The following CNTNAP3B variants were observed in gnomAD, a reference collection of about 807,000 sequenced individuals.
The protein encoded by CNTNAP3B is contactin associated protein family member 3B.
A neutral mutation model predicts 108.9 loss-of-function variants in CNTNAP3B; 25 were observed. The observed-to-expected ratio is 0.23, with a 90% CI of 0.17 to 0.32. CNTNAP3B has a LOEUF of 0.32. CNTNAP3B is among the 10% of genes least tolerant of loss of function. CNTNAP3B has a pLI of 1.00. For missense variants in CNTNAP3B, 252 were observed against 1,210.4 expected, an observed-to-expected ratio of 0.21 and a Z score of 11.75; for synonymous variants, 103 against 473.4, an observed-to-expected ratio of 0.22 and a Z score of 10.16.
intron 14 of CNTNAP3B, among the ~76,000 whole-genome samples, chr9:41,931,445 TCAA>T (rs1484503067): frequency 2.0e-5 from 3 of 152,404 alleles, no homozygotes; most frequent in Admixed American, 6.5e-5. Flanking sequence ...TACCCATTAA[TCAA>T]CTTCTTTTAT....
intron 3 of CNTNAP3B, among the ~76,000 whole-genome samples, chr9:42,072,577 CA>C (rs1435109522): frequency 1.1e-5 from 1 of 95,130 alleles, no homozygotes; most frequent in Non-Finnish European, 2.0e-5. Context: ...AGAAAATATT[CA>C]TGTATTCCTG....
intron 3 of CNTNAP3B, among the ~76,000 whole-genome samples, chr9:42,041,507 T>C (rs1826753094): frequency 6.8e-6 from 1 of 146,464 alleles, no homozygotes; most frequent in South Asian, 2.2e-4. Context: ...TCACTGGCCA[T>C]CAGAGAAATG....
At chr9:42,026,799 A>G (rs1204643764) in intron 3 of CNTNAP3B, among the ~76,000 whole-genome samples, 2 of 136,992 alleles carry the variant, frequency 1.5e-5, no homozygotes, top group Middle Eastern at 3.6e-3. Context: ...TTTGCTCAAT[A>G]ATAACTCCAA....
At chr9:42,035,910 C>A (rs1271546805) in intron 3 of CNTNAP3B, among the ~76,000 whole-genome samples, 1 of 141,194 alleles carries the variant, frequency 7.1e-6, no homozygotes, top group Non-Finnish European at 1.5e-5. Flanking sequence ...GAGTTCGAGC[C>A]CAGCCTGGCC....
At chr9:41,930,462 G>C (rs1163169851) in intron 14 of CNTNAP3B, among the ~76,000 whole-genome samples, 1 of 152,286 alleles carries the variant, frequency 6.6e-6, no homozygotes, top group Admixed American at 6.5e-5. Flanking sequence ...AGGATCCCTT[G>C]AGCCTGGGAG....
intron 10 of CNTNAP3B, among the ~76,000 whole-genome samples, chr9:41,967,379 T>C (rs1384950677): frequency 2.0e-5 from 3 of 151,764 alleles, no homozygotes; most frequent in Non-Finnish European, 4.4e-5. Context: ...TGCTGCCATA[T>C]AAGACGTGTC....
intron 13 of CNTNAP3B, among the ~76,000 whole-genome samples, chr9:41,944,423 T>G (rs1824461384): frequency 6.6e-6 from 1 of 151,998 alleles, no homozygotes; most frequent in African/African-American, 2.4e-5. Context: ...GGATTGGAAA[T>G]GCTGTGTTAT....
At chr9:42,120,174 C>G (rs1264862334) in intron 1 of CNTNAP3B, among the ~76,000 whole-genome samples, 1 of 147,278 alleles carries the variant, frequency 6.8e-6, no homozygotes, top group East Asian at 2.0e-4. Context: ...AGGATATGAA[C>G]AGACACTTCT....
intron 1 of CNTNAP3B, among the ~76,000 whole-genome samples, chr9:42,125,710 A>G (rs1158242278): frequency 8.0e-6 from 1 of 124,478 alleles, no homozygotes; most frequent in Non-Finnish European, 1.6e-5. Flanking sequence ...TCACTCCGTC[A>G]CCCAGGCTGG....
rs569541516 is a variant in CNTNAP3B at position 41,913,609 on chromosome 9, C to G, written c.2996-4828G>C. ...TCACAATGTTGTGCAATTATCACCT[C>G]TTTTGATATCCAAAATTTTTCATCT... On this transcript the variant is annotated intron_variant, in intron 18 of 23. Coordinates refer to ENST00000377561, the MANE Select transcript of CNTNAP3B (RefSeq NM_001201380.3). 3.8e-4 allele frequency among the ~76,000 whole-genome samples: 54 copies of G among 140,912 alleles called. 6 individuals are homozygous for G. Among genetic ancestry groups the G allele is most frequent in the African/African-American group, 1.5e-3 (53 of 35,678 alleles). 92.4% of individuals were successfully genotyped at this position (140,912 alleles called of 152,430 possible).
intron 9 of CNTNAP3B, among the ~76,000 whole-genome samples, chr9:41,977,306 A>G (rs1286907249): frequency 6.6e-6 from 1 of 151,420 alleles, no homozygotes; most frequent in Non-Finnish European, 1.5e-5. Context: ...ACTTAAAAAA[A>G]TGAATAGTAC....
In CNTNAP3B at chr9:41,939,524, G is replaced by C. The variant is rs1462696664; in HGVS notation, c.2081-1124C>G. On this transcript the variant is annotated intron_variant, in intron 13 of 23. Coordinates refer to ENST00000377561, the MANE Select transcript of CNTNAP3B (RefSeq NM_001201380.3). ...AAAACAAAAAAAACAACGAAAAAAA[G>C]GCAATCTGGGAAAATTTAAAGAGGG... Among the ~76,000 whole-genome samples, 4 of 152,372 alleles carry C rather than the reference G, an allele frequency of 2.6e-5. No homozygotes were observed. The East Asian group carries it at 7.7e-4, about 29-fold the overall frequency.
intron 14 of CNTNAP3B, among the ~76,000 whole-genome samples, chr9:41,932,257 T>C (rs1403516755): frequency 1.3e-5 from 2 of 152,088 alleles, no homozygotes; most frequent in East Asian, 1.9e-4. Flanking sequence ...CCATAATCTC[T>C]TGGAGCAGTA....
At chr9:42,108,160 T>C (rs1828119818) in intron 1 of CNTNAP3B, among the ~76,000 whole-genome samples, 1 of 137,568 alleles carries the variant, frequency 7.3e-6, no homozygotes, top group South Asian at 2.3e-4. Flanking sequence ...CCCACAAGTG[T>C]TACAGGGGCT....
At chr9:42,096,207 G>A (rs1827896919) in intron 2 of CNTNAP3B, among the ~76,000 whole-genome samples, 1 of 139,182 alleles carries the variant, frequency 7.2e-6, no homozygotes. Flanking sequence ...ACACTTGAGA[G>A]TGCCCACTCA....
intron 13 of CNTNAP3B, among the ~76,000 whole-genome samples, chr9:41,945,367 A>T (rs919515144): frequency 1.3e-5 from 2 of 152,310 alleles, no homozygotes; most frequent in African/African-American, 2.4e-5. Context: ...GAACCAACCC[A>T]AATGTCCATC....
intron 13 of CNTNAP3B, among the ~76,000 whole-genome samples, chr9:41,938,752 A>C (rs1230243795): frequency 6.6e-5 from 10 of 152,294 alleles, no homozygotes; most frequent in Non-Finnish European, 1.5e-4. Flanking sequence ...AATCTATTTG[A>C]AATTATGAAA....
In CNTNAP3B at chr9:42,110,363, G is replaced by A. The variant is rs1368909253; in HGVS notation, c.86-5624C>T. The stretch of plus-strand genomic sequence containing the variant: ...TGTGAAAGGAGCTAAGCACTGTGTC[G>A]GCGGAACCTAAGGATGGAAGGAGAG... On this transcript the variant is annotated intron_variant, in intron 1 of 23. Transcript: ENST00000377561. Among the ~76,000 whole-genome samples, 5 of 136,706 alleles carry A rather than the reference G, an allele frequency of 3.7e-5. 1 individual carries two copies. The highest frequency in any genetic ancestry group is 2.4e-4 in the South Asian group (1 of 4,204). 89.7% of individuals were successfully genotyped at this position (136,706 alleles called of 152,430 possible). A position where few individuals can be genotyped will look rare whatever the true frequency, so the allele number is the denominator to read the frequency against.
At chr9:41,943,982 A>T (rs1224310836) in intron 13 of CNTNAP3B, among the ~76,000 whole-genome samples, 39 of 152,210 alleles carry the variant, frequency 2.6e-4, no homozygotes, top group African/African-American at 9.4e-4. Flanking sequence ...AGCAAGAATG[A>T]GAATTATGCC....
Sources: gnomAD v4.1 joint callset for allele counts (sites outside exome capture counted in the v4.1 genomes callset) on GRCh38, gnomAD v4.1.1 for gene constraint, MANE v1.5 for transcripts, NCBI Gene and HGNC (gene_info 2026-07-23, HGNC 2026-07-21) for gene names.